Variants in FOCAD observed in about 807,000 individuals in gnomAD.
The protein encoded by FOCAD is focadhesin.
FOCAD carries 198 observed loss-of-function variants against 225.6 expected under a neutral mutation model. The ratio of observed to expected loss-of-function variants is 0.88; its 90% confidence interval spans 0.78 to 0.99. The LOEUF (loss-of-function observed/expected upper bound fraction) is 0.99, where lower values mean the gene tolerates loss of function less well. FOCAD is among the 50% of genes least tolerant of loss of function. FOCAD has a pLI of 0.00. For synonymous variants in FOCAD, 897 were observed against 755.0 expected (o/e 1.19, Z -3.08); for missense variants, 2,713 against 2,123.6 (o/e 1.28, Z -5.46).
chr9:20,918,405 TC>T (rs1834051695), intron 24 of FOCAD, among the ~76,000 whole-genome samples: 1 of 152,210 alleles, frequency 6.6e-6, no homozygotes, highest in South Asian at 2.1e-4. Flanking sequence ...TAATTCATGT[TC>T]TCATGGTATT....
At chr9:20,747,627 C>G (rs1000048104) in intron 5 of FOCAD, among the ~76,000 whole-genome samples, 1 of 152,122 alleles carries the variant, frequency 6.6e-6, no homozygotes, top group Non-Finnish European at 1.5e-5. Flanking sequence ...CTGGAAAACA[C>G]TACTATTTGT....
chr9:20,989,680 A>C (rs1184293293), intron 41 of FOCAD, among the ~76,000 whole-genome samples: 5 of 152,360 alleles, frequency 3.3e-5, no homozygotes, highest in Middle Eastern at 3.4e-3. Context: ...AAAAATGAAG[A>C]AAGACTTGCT....
intron 23 of FOCAD, 40 bp from the exon 24 acceptor site, chr9:20,916,853 T>A: frequency 6.4e-7 from 1 of 1,563,884 alleles, no homozygotes; most frequent in South Asian, 1.2e-5. Context: ...GATTTCTTGT[T>A]CTAACATAAA....
intron 19 of FOCAD, among the ~76,000 whole-genome samples, chr9:20,877,585 T>C (rs539436523): frequency 6.6e-6 from 1 of 152,258 alleles, no homozygotes; most frequent in East Asian, 1.9e-4. Context: ...CAAAACAATA[T>C]GTATAAATGC....
intron 21 of FOCAD, among the ~76,000 whole-genome samples, chr9:20,898,684 G>A (rs890270836): frequency 2.0e-5 from 3 of 151,528 alleles, no homozygotes; most frequent in Non-Finnish European, 2.9e-5. Context: ...TTAAATTCCC[G>A]GTCTGTTAAT....
At chr9:20,770,889 G>T (rs374752251) in intron 8 of FOCAD, among the ~76,000 whole-genome samples, 3 of 151,962 alleles carry the variant, frequency 2.0e-5, no homozygotes, top group Non-Finnish European at 4.4e-5. Context: ...ATTTATTCAT[G>T]CAGAACATAT....
At chr9:20,696,091 A>G (rs1052884336) in intron 1 of FOCAD, among the ~76,000 whole-genome samples, 1 of 152,194 alleles carries the variant, frequency 6.6e-6, no homozygotes, top group African/African-American at 2.4e-5. Flanking sequence ...TTAGTGTATG[A>G]CTGCTTTGTT....
At chr9:20,945,324 G>A (rs1010920139) in intron 29 of FOCAD, among the ~76,000 whole-genome samples, 1 of 152,152 alleles carries the variant, frequency 6.6e-6, no homozygotes, top group African/African-American at 2.4e-5. Context: ...AACATTTCAG[G>A]CATGTGTCAT....
At chr9:20,814,747 A>G (rs981224595) in intron 11 of FOCAD, among the ~76,000 whole-genome samples, 2 of 152,120 alleles carry the variant, frequency 1.3e-5, no homozygotes, top group African/African-American at 4.8e-5. Flanking sequence ...TTAAGCTGAT[A>G]ACAAGTTACA....
chr9:20,814,303 T>C lies in FOCAD; in HGVS notation c.1456-5493T>C, dbSNP rs190291121. Reference sequence around the variant, plus strand: ...TCTTGCTGTCTTCTTTTATGTTTCATTGATTTGATAGTGACACTTTGATTC... The same window carrying C: ...TCTTGCTGTCTTCTTTTATGTTTCACTGATTTGATAGTGACACTTTGATTC... On this transcript the variant is annotated intron_variant, in intron 11 of 43. Coordinates refer to ENST00000338382, the MANE Select transcript of FOCAD (RefSeq NM_001375567.1). 5.3e-5 allele frequency among the ~76,000 whole-genome samples: 8 copies of C among 152,256 alleles called. No individual in the cohort carries two copies. The East Asian group carries it at 1.5e-3, about 29-fold the overall frequency.
chr9:20,732,022 G>A (rs562313764), intron 4 of FOCAD, among the ~76,000 whole-genome samples: 8 of 152,222 alleles, frequency 5.3e-5, no homozygotes, highest in African/African-American at 1.2e-4. Context: ...AACATGTGCC[G>A]TGGTGGTTTG....
chr9:20,722,956 G>C (rs918124977), intron 4 of FOCAD, among the ~76,000 whole-genome samples: 10 of 152,136 alleles, frequency 6.6e-5, no homozygotes, highest in African/African-American at 2.4e-4. Flanking sequence ...GCAGCTCATG[G>C]GGCCAATGTA....
At chr9:20,803,841 C>T (rs1416487729) in intron 11 of FOCAD, among the ~76,000 whole-genome samples, 1 of 152,094 alleles carries the variant, frequency 6.6e-6, no homozygotes, top group East Asian at 1.9e-4. Context: ...TGAGCAGATT[C>T]AGAGATGGAA....
At chr9:20,778,525 A>T (rs1192718419) in intron 8 of FOCAD, among the ~76,000 whole-genome samples, 156 bp from the exon 9 acceptor site, 1 of 152,180 alleles carries the variant, frequency 6.6e-6, no homozygotes. Context: ...CGGCCGACCA[A>T]TTCTTTCTTT....
chr9:20,860,009 A>T (rs1010300338), intron 15 of FOCAD, among the ~76,000 whole-genome samples: 1 of 152,070 alleles, frequency 6.6e-6, no homozygotes, highest in East Asian at 1.9e-4. Context: ...CTTTGTAAGT[A>T]TACCAAAAAC....
At chr9:20,780,772 G>A (rs1226220644) in intron 9 of FOCAD, among the ~76,000 whole-genome samples, 2 of 152,094 alleles carry the variant, frequency 1.3e-5, no homozygotes, top group Admixed American at 1.3e-4. Context: ...TTCATTTCCT[G>A]TTATATTAAA....
chr9:20,755,222 T>C (rs182755623), intron 5 of FOCAD, among the ~76,000 whole-genome samples: 1 of 152,314 alleles, frequency 6.6e-6, no homozygotes, highest in African/African-American at 2.4e-5. Context: ...AAAACTTAAT[T>C]ATCCAGATGT....
chr9:20,760,327 A>T (rs528837569), intron 6 of FOCAD, among the ~76,000 whole-genome samples: 1 of 152,340 alleles, frequency 6.6e-6, no homozygotes. Context: ...AACAAAAAGG[A>T]TTGGTTTCTG....
chr9:20,860,906 G>A (rs1225358460), intron 15 of FOCAD, among the ~76,000 whole-genome samples: 2 of 152,204 alleles, frequency 1.3e-5, no homozygotes, highest in Non-Finnish European at 2.9e-5. Flanking sequence ...GGTTCCAACT[G>A]CTTTGATATT....
Sources: allele counts gnomAD v4.1 joint callset (sites outside exome capture counted in the v4.1 genomes callset), GRCh38; gene constraint gnomAD v4.1.1; transcripts MANE v1.5; gene names NCBI Gene and HGNC (gene_info 2026-07-23, HGNC 2026-07-21).